ARG1: variants seen among roughly 807,000 people sequenced by gnomAD.
ARG1 encodes arginase-1.
A neutral mutation model predicts 33.0 loss-of-function variants in ARG1; 20 were observed. The ratio of observed to expected loss-of-function variants is 0.61; its 90% CI spans 0.43 to 0.88. The LOEUF is 0.88. Ranked by LOEUF, ARG1 falls within the 40% of genes least tolerant of loss-of-function variation. The pLI, the probability that ARG1 is intolerant of heterozygous loss-of-function variation, is 0.00. For missense variants in ARG1, 374 were observed against 384.7 expected, an observed-to-expected ratio of 0.97 and a Z score of 0.23; for synonymous variants, 146 against 140.6, an observed-to-expected ratio of 1.04 and a Z score of -0.27.
At chr6:131,580,290 T>TAAG (rs1773853517) in intron 3 of ARG1, among the ~76,000 whole-genome samples, 1 of 152,172 alleles carries the variant, frequency 6.6e-6, no homozygotes, top group Non-Finnish European at 1.5e-5. Context: ...CTTTCTTTGT[T>TAAG]AAGTGGAAAT....
intron 5 of ARG1, 126 bp from the exon 6 acceptor site, chr6:131,582,934 T>C: frequency 1.3e-6 from 1 of 795,842 alleles, no homozygotes; most frequent in East Asian, 2.7e-5. Context: ...AATAAAACTA[T>C]ATTGAGTTAG....
In ARG1 at chr6:131,583,463, C is replaced by T. The variant is rs770834693; in HGVS notation, c.774C>T (p.Leu258=). ...GAGGTCTGACATACAGAGAAGGTCT[C>T]TACATCACAGAAGAAATCTACAAAA... ...VVGGLTYREG[L]YITEEIYKTG... Residue 258 remains leucine, a synonymous_variant, in exon 7 of 8, where the codon CTC becomes CTT. Transcript: ENST00000368087. 1 of 1,613,966 alleles carries T rather than the reference C, an allele frequency of 6.2e-7. No homozygotes were observed. Among genetic ancestry groups the T allele is most frequent in the Admixed American group, 1.7e-5 (1 of 59,992 alleles).
At chr6:131,580,838 T>G (rs1057042898) in intron 3 of ARG1, among the ~76,000 whole-genome samples, 1 of 152,222 alleles carries the variant, frequency 6.6e-6, no homozygotes, top group Non-Finnish European at 1.5e-5. Flanking sequence ...GAGATGAGTG[T>G]ACAGAAAATG....
rs1035699012 is a variant in ARG1 at position 131,584,267 on chromosome 6, GGTACTATGTGTC to G, written c.*360_*371del. 2.4e-5 allele frequency: 6 copies of G among 253,022 alleles called. No individual in the cohort carries two copies. Among genetic ancestry groups the G allele is most frequent in the Non-Finnish European group, 4.6e-5 (6 of 130,122 alleles). 15.7% of individuals were successfully genotyped at this position (253,022 alleles called of 1,614,324 possible). A position where few individuals can be genotyped will look rare whatever the true frequency, so the allele number is the denominator to read the frequency against. Reference sequence around the variant, plus strand: ...GAGACAAAGCTACCACATGTGGAAAGGTACTATGTGTCCATGTCATTCAAAAAATGTGATTTT... The same window carrying G: ...GAGACAAAGCTACCACATGTGGAAAGCATGTCATTCAAAAAATGTGATTTT... On this transcript the variant is annotated 3_prime_UTR_variant, in exon 8 of 8. Transcript: ENST00000368087.
Position 131,579,195 on chromosome 6 carries a change from C to A in ARG1, c.215C>A (p.Ser72Tyr). 6.2e-7 allele frequency: 1 copy of A among 1,614,080 alleles called. No homozygotes were observed. Among genetic ancestry groups the A allele is most frequent in the African/African-American group, 1.3e-5 (1 of 75,028 alleles). Residue 72 changes from serine (S) to tyrosine (Y), a missense_variant, in exon 3 of 8, where the codon TCT becomes TAT. Physicochemically the swap from Ser to Tyr is moderately radical, Grantham distance 144. Transcript: ENST00000368087. ...TTTCAAATTGTGAAGAATCCAAGGT[C>A]TGTGGGAAAAGCAAGCGAGCAGCTG... Reference protein sequence around the residue: ...SPFQIVKNPRSVGKASEQLAG... With the variant: ...SPFQIVKNPRYVGKASEQLAG...
rs904884112 is a variant in ARG1, at chr6:131,579,070, T to C, written c.131-41T>C. 5 of 1,604,050 alleles carry C rather than the reference T, an allele frequency of 3.1e-6. No individual in the cohort carries two copies. In the Admixed American group the frequency reaches 8.3e-5, roughly 27 times the overall value. ...TCATCCTACACAGACTGATTTATAA[T>C]CTACTTTTTAATTTAGTAACTCAAA... On this transcript the variant is annotated intron_variant, in intron 2 of 7. Coordinates refer to ENST00000368087, the MANE Select transcript of ARG1 (RefSeq NM_000045.4).
At chr6:131,576,213 T>C (rs757415342) in intron 1 of ARG1, among the ~76,000 whole-genome samples, 135 of 152,350 alleles carry the variant, frequency 8.9e-4, no homozygotes, top group Non-Finnish European at 5.7e-4. Context: ...GAAGCAGCTA[T>C]GTATTGAAAC....
intron 4 of ARG1, 95 bp from the exon 5 acceptor site, chr6:131,582,526 T>C: frequency 1.1e-6 from 1 of 910,226 alleles, no homozygotes; most frequent in Non-Finnish European, 1.8e-6. Flanking sequence ...ATTCTAAATA[T>C]AAGATATACG....
At chr6:131,580,961 T>C (rs1490132861) in intron 3 of ARG1, among the ~76,000 whole-genome samples, 1 of 152,222 alleles carries the variant, frequency 6.6e-6, no homozygotes, top group Non-Finnish European at 1.5e-5. Flanking sequence ...GTGGTTTTCT[T>C]ACAAGGTGGA....
Position 131,583,354 on chromosome 6 carries a change from G to C in ARG1, c.666-1G>C. On this transcript the variant is annotated splice_acceptor_variant, in intron 6 of 7. Coordinates refer to ENST00000368087, the MANE Select transcript of ARG1 (RefSeq NM_000045.4). LOFTEE classifies it high-confidence loss of function. ...TGAAATCCTTTCCCACTTCTTAAAA[G>C]AAAGAAAAGGCCAATTCATCTAAGT... 1 of 1,614,138 alleles carries C rather than the reference G, an allele frequency of 6.2e-7. No homozygotes were observed. The highest frequency in any genetic ancestry group is 1.1e-5 in the South Asian group (1 of 91,082).
chr6:131,577,363 A>G (rs1288507837), intron 2 of ARG1, among the ~76,000 whole-genome samples: 2 of 152,302 alleles, frequency 1.3e-5, no homozygotes, highest in Admixed American at 6.5e-5. Context: ...AGGTAAACAT[A>G]TATTTACATT....
At chr6:131,576,887 G>A (rs1006585695) in intron 2 of ARG1, 152 bp downstream of exon 2, 7 of 712,192 alleles carry the variant, frequency 9.8e-6, no homozygotes, top group Non-Finnish European at 1.7e-5. Flanking sequence ...AAAAGCAGCA[G>A]GGCATGGGGA....
At chr6:131,574,187 A>G in intron 1 of ARG1, 1 of 1,307,728 alleles carries the variant, frequency 7.6e-7, no homozygotes, top group Non-Finnish European at 1.1e-6. Context: ...AAACAAGACA[A>G]TGTATGAGTT....
At position 131,573,277 on chromosome 6, in the gene ARG1, C is replaced by T; in HGVS notation, c.-6C>T. On this transcript the variant is annotated 5_prime_UTR_variant, in exon 1 of 8. Transcript: ENST00000368087. Reference sequence around the variant, plus strand: ...GCTCAAGTGCAGCAAAGAGAAGTGTCAGAGCATGAGCGCCAAGTCCAGAAC... The same window carrying T: ...GCTCAAGTGCAGCAAAGAGAAGTGTTAGAGCATGAGCGCCAAGTCCAGAAC... 2 of 1,614,024 alleles carry T rather than the reference C, an allele frequency of 1.2e-6. No homozygotes were observed. The highest frequency in any genetic ancestry group is 1.3e-5 in the African/African-American group (1 of 75,016).
intron 2 of ARG1, among the ~76,000 whole-genome samples, chr6:131,578,069 T>C (rs1261144898): frequency 6.6e-6 from 1 of 151,688 alleles, no homozygotes; most frequent in Non-Finnish European, 1.5e-5. Flanking sequence ...CAGCAGTTCC[T>C]GGGGTTGGGG....
At chr6:131,576,639 G>A in intron 1 of ARG1, 24 bp from the exon 2 acceptor site, 2 of 1,598,920 alleles carry the variant, frequency 1.3e-6, no homozygotes, top group Non-Finnish European at 1.7e-6. Flanking sequence ...AATGTCTGAA[G>A]TACTTTATTT....
chr6:131,580,089 G>A lies in ARG1; in HGVS notation c.305+804G>A, dbSNP rs148958054. On this transcript the variant is annotated intron_variant, in intron 3 of 7. Transcript: ENST00000368087. ...TGTGGCAAAGACCATTTTTGTGCAT[G>A]AGCCTCTTTAAATATTTACTCCCAA... is the stretch of plus-strand genomic sequence containing the variant. 1.1e-4 allele frequency among the ~76,000 whole-genome samples: 16 copies of A among 152,210 alleles called. 1 individual carries two copies. The East Asian group carries it at 2.9e-3, about 28-fold the overall frequency.
At chr6:131,579,420 A>T in intron 3 of ARG1, 135 bp downstream of exon 3, 1 of 984,590 alleles carries the variant, frequency 1.0e-6, no homozygotes, top group Non-Finnish European at 1.5e-6. Context: ...GCCTTTAAAA[A>T]AATTTTATAG....
chr6:131,573,381 G>C, intron 1 of ARG1, 42 bp downstream of exon 1: 1 of 1,603,558 alleles, frequency 6.2e-7, no homozygotes, highest in Non-Finnish European at 8.5e-7. Context: ...GAATTTAGTT[G>C]AAAATTTTGG....
Sources: gnomAD v4.1 joint callset for allele counts (sites outside exome capture counted in the v4.1 genomes callset) on GRCh38, gnomAD v4.1.1 for gene constraint, MANE v1.5 for transcripts, NCBI Gene and HGNC (gene_info 2026-07-23, HGNC 2026-07-21) for gene names.